DEPDC7: variants seen among roughly 807,000 people sequenced by gnomAD.
The protein encoded by DEPDC7 is DEP domain containing 7, also known as DEP domain-containing protein 7.
In DEPDC7, 41 loss-of-function variants were observed where a neutral mutation model predicts 56.6. The observed-to-expected ratio is 0.72, with a 90% CI of 0.56 to 0.94. The LOEUF is 0.94. Ranked by LOEUF, DEPDC7 falls within the 40% of genes least tolerant of loss-of-function variation. The pLI, the probability that DEPDC7 is intolerant of heterozygous loss-of-function variation, is 0.00. For synonymous variants in DEPDC7, 185 were observed against 208.8 expected, an observed-to-expected ratio of 0.89 and a Z score of 0.98; for missense variants, 522 against 596.3, an observed-to-expected ratio of 0.88 and a Z score of 1.30.
chr11:33,026,047 C>T lies in DEPDC7; in HGVS notation c.462C>T (p.Ala154=). The change falls in exon 2 of 9, where the codon GCC becomes GCT. Residue 154 remains alanine, a splice_region_variant and synonymous_variant. Transcript: ENST00000241051. ...AAGAGAACAAACTATATTCACCTGC[C>T]AGGTTGGTATATAATGTTAGATTAT... The part of the protein sequence containing the change: ...LGKENKLYSP[A]RYADALFKSS... 1 of 1,613,714 alleles carries T rather than the reference C, an allele frequency of 6.2e-7. No individual in the cohort carries two copies. The highest frequency in any genetic ancestry group is 8.5e-7 in the Non-Finnish European group (1 of 1,179,958).
chr11:33,016,351 A>G (rs1457853934), intron 1 of DEPDC7: 1 of 1,415,132 alleles, frequency 7.1e-7, no homozygotes, highest in East Asian at 2.6e-5. Flanking sequence ...GAGCTCCGGG[A>G]TATGCTCCGC....
rs1853614618 is a variant in DEPDC7, at chr11:33,029,882, T to A, written c.782+1090T>A. On this transcript the variant is annotated intron_variant, in intron 4 of 8. Transcript: ENST00000241051. ...TTAAAGCCTTATATGAAAAAGTTAA[T>A]CCCAACATATGTGTTACTGAATTCT... is the stretch of plus-strand genomic sequence containing the variant. Among the ~76,000 whole-genome samples, 3 of 152,226 alleles carry A rather than the reference T, an allele frequency of 2.0e-5. No individual in the cohort carries two copies. The South Asian group carries it at 6.2e-4, about 31-fold the overall frequency.
intron 5 of DEPDC7, 149 bp from the exon 6 acceptor site, chr11:33,032,187 C>A: frequency 2.9e-6 from 2 of 687,624 alleles, no homozygotes; most frequent in Non-Finnish European, 4.8e-6. Flanking sequence ...TGGTATTCAC[C>A]ATTCATTGTT....
chr11:33,017,333 G>T (rs191755985), intron 1 of DEPDC7, among the ~76,000 whole-genome samples: 1 of 152,276 alleles, frequency 6.6e-6, no homozygotes, highest in African/African-American at 2.4e-5. Flanking sequence ...ATTCCCAAAT[G>T]TCACCTGCTT....
chr11:33,029,787 T>C (rs1417728203), intron 4 of DEPDC7, among the ~76,000 whole-genome samples: 1 of 152,246 alleles, frequency 6.6e-6, no homozygotes, highest in Admixed American at 6.5e-5. Context: ...AATTACATTT[T>C]CAGTACTTCA....
intron 2 of DEPDC7, chr11:33,026,491 A>G (rs892862555): frequency 4.3e-6 from 1 of 231,570 alleles, no homozygotes; most frequent in Non-Finnish European, 8.7e-6. Flanking sequence ...AAGTAAACCA[A>G]CTTTACCCTT....
In DEPDC7 at chr11:33,033,440, G is replaced by A. The variant is rs761823181; in HGVS notation, c.1521G>A (p.Glu507=). 5 of 1,573,338 alleles carry A rather than the reference G, an allele frequency of 3.2e-6. No homozygotes were observed. The Admixed American group carries it at 8.4e-5, about 26-fold the overall frequency. ...FYKCHPDIFI[E]HFGD ...AGTGTCACCCAGACATCTTTATTGAGCATTTTGGAGACTGAGTTTTTAATA... is the reference window on the plus strand; with the variant it reads ...AGTGTCACCCAGACATCTTTATTGAACATTTTGGAGACTGAGTTTTTAATA... The change falls in exon 9 of 9, where the codon GAG becomes GAA. Residue 507 remains glutamate, a synonymous_variant. Transcript: ENST00000241051.
chr11:33,029,967 A>AT (rs920560761), intron 4 of DEPDC7, among the ~76,000 whole-genome samples: 59 of 148,382 alleles, frequency 4.0e-4, no homozygotes, highest in Admixed American at 1.2e-3. Flanking sequence ...TAATTACTAA[A>AT]TTTTTTTTTT....
intron 1 of DEPDC7, among the ~76,000 whole-genome samples, chr11:33,018,811 A>G (rs1036577527): frequency 7.2e-5 from 11 of 152,178 alleles, no homozygotes; most frequent in Admixed American, 5.2e-4. Flanking sequence ...CCCATCCAAG[A>G]TATTATATTA....
Position 33,032,333 on chromosome 11 carries a change from A to C in DEPDC7, c.995-3A>C, listed in dbSNP as rs367868184. On this transcript the variant is annotated splice_region_variant and splice_polypyrimidine_tract_variant and intron_variant, in intron 5 of 8. Coordinates refer to ENST00000241051, the MANE Select transcript of DEPDC7 (RefSeq NM_001077242.2). The stretch of plus-strand genomic sequence containing the variant: ...AAAAGCAGTTTTTTTCTTTTGGCTA[A>C]AGTGAATGGGAAGACGGAAATAGCT... 14 of 1,552,922 alleles carry C rather than the reference A, an allele frequency of 9.0e-6. No individual in the cohort carries two copies. In the African/African-American group the frequency reaches 1.7e-4, roughly 19 times the overall value.
rs1853453264 is a variant in DEPDC7, at chr11:33,016,022, C to A, written c.67C>A (p.Pro23Thr). The A allele has an allele frequency of 2.6e-6, 4 of 1,537,748 alleles. No individual in the cohort carries two copies. Among genetic ancestry groups the A allele is most frequent in the Non-Finnish European group, 2.6e-6 (3 of 1,142,266 alleles). The change falls in exon 1 of 9, where the codon CCT (proline) becomes ACT (threonine). Residue 23 changes from proline (P) to threonine (T), a missense_variant. Pro to Thr is a conservative substitution (Grantham distance 38). Transcript: ENST00000241051. ...LSALHSPAHR[P>T]PGFSVAQKPF... ...GGCTCTCCACAGCCCCGCGCACAGG[C>A]CTCCGGGTAGGTGCCGAGGACTGCC... is the stretch of plus-strand genomic sequence containing the variant.
Position 33,033,305 on chromosome 11 carries a change from C to T in DEPDC7, c.1386C>T (p.Asn462=). Reference sequence around the variant, plus strand: ...GAATTGATCAACGTGACTATTCCAACAATACAGAGAAGACAACCAAAGATG... The same window carrying T: ...GAATTGATCAACGTGACTATTCCAATAATACAGAGAAGACAACCAAAGATG... ...CQRIDQRDYS[N]NTEKTTKDEL... is the part of the protein sequence containing the mutation. Residue 462 remains asparagine, a synonymous_variant, in exon 9 of 9, where the codon AAC becomes AAT. Coordinates refer to ENST00000241051, the MANE Select transcript of DEPDC7 (RefSeq NM_001077242.2). 1 of 1,603,062 alleles carries T rather than the reference C, an allele frequency of 6.2e-7. No homozygotes were observed. The highest frequency in any genetic ancestry group is 1.1e-5 in the South Asian group (1 of 88,672).
intron 2 of DEPDC7, 177 bp downstream of exon 2, chr11:33,026,226 A>G: frequency 1.5e-6 from 1 of 649,406 alleles, no homozygotes; most frequent in South Asian, 1.9e-5. Context: ...GGTGTCTCCT[A>G]GTCATATTTT....
rs1273175997 is a variant in DEPDC7, at chr11:33,024,632, C to A, written c.74-1027C>A. Among the ~76,000 whole-genome samples, 5 of 152,176 alleles carry A rather than the reference C, an allele frequency of 3.3e-5. No individual in the cohort carries two copies. In the East Asian group the frequency reaches 9.6e-4, roughly 29 times the overall value. On this transcript the variant is annotated intron_variant, in intron 1 of 8. Coordinates refer to ENST00000241051, the MANE Select transcript of DEPDC7 (RefSeq NM_001077242.2). ...TAGGCCACAAACCTGCAGAGCTATA[C>A]TGAATGCTGTAAGCAATTGTAACAC...
intron 3 of DEPDC7, chr11:33,028,352 C>G: frequency 2.9e-6 from 1 of 347,378 alleles, no homozygotes; most frequent in Non-Finnish European, 5.1e-6. Flanking sequence ...GACTTGATCT[C>G]TTATCTCTGA....
intron 1 of DEPDC7, among the ~76,000 whole-genome samples, chr11:33,019,702 A>C (rs746627527): frequency 6.6e-6 from 1 of 152,182 alleles, no homozygotes; most frequent in Non-Finnish European, 1.5e-5. Context: ...AGTAGTTAGC[A>C]ATAATTAACA....
intron 1 of DEPDC7, among the ~76,000 whole-genome samples, chr11:33,025,454 T>C (rs1853567195): frequency 6.6e-6 from 1 of 152,228 alleles, no homozygotes; most frequent in South Asian, 2.1e-4. Context: ...TGTTGCATCT[T>C]AGCATATAGA....
At chr11:33,016,610 A>G (rs758955396) in intron 1 of DEPDC7, 1 of 1,611,738 alleles carries the variant, frequency 6.2e-7, no homozygotes, top group Admixed American at 1.7e-5. Flanking sequence ...TTTATGTATA[A>G]GCAGTATTTT....
At position 33,031,596 on chromosome 11, in the gene DEPDC7, A is replaced by G; in HGVS notation, c.994+7A>G. 6.2e-7 allele frequency: 1 copy of G among 1,600,938 alleles called. No individual in the cohort carries two copies. The highest frequency in any genetic ancestry group is 8.6e-7 in the Non-Finnish European group (1 of 1,167,982). ...GGAATTGCAGAACTCTTAGGTAAGT[A>G]AGATCTAACTGGATACTAGCATTTA... On this transcript the variant is annotated splice_region_variant and intron_variant, in intron 5 of 8. Transcript: ENST00000241051.
Sources: gnomAD v4.1 joint callset for allele counts (sites outside exome capture counted in the v4.1 genomes callset) on GRCh38, gnomAD v4.1.1 for gene constraint, MANE v1.5 for transcripts, NCBI Gene and HGNC (gene_info 2026-07-23, HGNC 2026-07-21) for gene names.